Variants in GAL3ST1 observed in about 807,000 individuals in gnomAD.
GAL3ST1 encodes galactosylceramide sulfotransferase.
Under a neutral mutation model 25.0 loss-of-function variants are expected in GAL3ST1, and 13 were observed. The observed-to-expected ratio is 0.52, with a 90% CI of 0.34 to 0.83. The LOEUF is 0.83. Among genes scored for constraint, GAL3ST1 ranks in the 40% least tolerant of loss-of-function variants. The probability of loss-of-function intolerance (pLI) is 0.02; values close to 1 mark genes in which losing one functional copy is unlikely to be tolerated. For missense variants in GAL3ST1, 474 were observed against 613.6 expected, an observed-to-expected ratio of 0.77 and a Z score of 2.40; for synonymous variants, 274 against 277.8, an observed-to-expected ratio of 0.99 and a Z score of 0.14.
At position 30,555,623 on chromosome 22, in the gene GAL3ST1, T is replaced by G. The variant is rs751577476; in HGVS notation, c.602A>C (p.Asp201Ala). The G allele has an allele frequency of 6.2e-7, 1 of 1,613,584 alleles. No homozygotes were observed. The highest frequency in any genetic ancestry group is 8.5e-7 in the Non-Finnish European group (1 of 1,180,002). Residue 201 changes from aspartate to alanine, a missense_variant, in exon 4 of 4, where the codon GAT becomes GCT. Coordinates refer to ENST00000406361, the MANE Select transcript of GAL3ST1 (RefSeq NM_001318104.2). This position sits in a 1 kb window ranked among gnomAD's most constrained non-coding sequence, Gnocchi z 8.6. ...GAAGCCGTTGGGGTCGTAGTAGCGA[T>G]CCGGGTCTTGCAGGAACTCGGTCAG... is the stretch of plus-strand genomic sequence containing the variant. ...DKLTEFLQDP[D>A]RYYDPNGFNA... is the part of the protein sequence containing the mutation.
At chr22:30,562,001 G>C (rs1030175340) in intron 1 of GAL3ST1, among the ~76,000 whole-genome samples, 5 of 152,206 alleles carry the variant, frequency 3.3e-5, no homozygotes, top group African/African-American at 1.2e-4. Context: ...CGGGAGAGGA[G>C]CTAGCTGGCA....
chr22:30,559,074 C>G (rs932588828), intron 1 of GAL3ST1, among the ~76,000 whole-genome samples: 4 of 151,736 alleles, frequency 2.6e-5, no homozygotes, highest in African/African-American at 9.7e-5. Flanking sequence ...AGAAGAATCG[C>G]TTGAACCCAG....
At chr22:30,570,977 T>TACAC (rs67031445) in intron 1 of GAL3ST1, among the ~76,000 whole-genome samples, 8,538 of 146,108 alleles carry the variant, frequency 0.058, 299 homozygotes, top group African/African-American at 0.1. Flanking sequence ...TCTGTGATGA[T>TACAC]ACACACACAC....
At chr22:30,572,271 T>C (rs1287203576) in intron 1 of GAL3ST1, among the ~76,000 whole-genome samples, 1 of 152,212 alleles carries the variant, frequency 6.6e-6, no homozygotes, top group Non-Finnish European at 1.5e-5. Context: ...CCTAAAACTA[T>C]GTAACAATAT....
intron 1 of GAL3ST1, among the ~76,000 whole-genome samples, chr22:30,562,922 C>G (rs1339676345): frequency 6.6e-6 from 1 of 152,178 alleles, no homozygotes; most frequent in Non-Finnish European, 1.5e-5. Context: ...CAAGACCAGC[C>G]TGGCCAACAT....
chr22:30,569,524 T>C (rs1029572209), intron 1 of GAL3ST1, among the ~76,000 whole-genome samples: 1 of 151,928 alleles, frequency 6.6e-6, no homozygotes, highest in African/African-American at 2.4e-5. Context: ...TTTAGAATAC[T>C]CTGAGTCTGA....
chr22:30,572,535 G>T (rs1275739716), intron 1 of GAL3ST1, among the ~76,000 whole-genome samples: 1 of 152,176 alleles, frequency 6.6e-6, no homozygotes, highest in African/African-American at 2.4e-5. Flanking sequence ...TCCTCTGATT[G>T]TATTGTGATC....
rs2085972138 is a variant in GAL3ST1 at position 30,555,719 on chromosome 22, A to T, written c.506T>A (p.Leu169Ter). The change falls in exon 4 of 4, where the codon TTG becomes TAG. Residue 169 changes from leucine (L) to a stop codon, truncating the protein, a stop_gained. Transcript: ENST00000406361. LOFTEE classifies it high-confidence loss of function. The surrounding 1 kb of genome is among the most constrained non-coding windows in gnomAD (Gnocchi z 8.6). Reference protein sequence around the residue: ...FITVLRDPARLFESSFHYFGP... With the variant: ...FITVLRDPAR ...GAAGTAGTGGAAGGAGGACTCGAAC[A>T]AGCGGGCGGGGTCGCGGAGCACCGT... 1.9e-6 allele frequency: 3 copies of T among 1,613,820 alleles called. No individual in the cohort carries two copies. Among genetic ancestry groups the T allele is most frequent in the Non-Finnish European group, 2.5e-6 (3 of 1,180,020 alleles).
chr22:30,557,333 C>T lies in GAL3ST1; in HGVS notation c.60G>A (p.Ala20=), dbSNP rs752866163. The change falls in exon 3 of 4, where the codon GCG becomes GCA. Residue 20 remains alanine, a synonymous_variant. Coordinates refer to ENST00000406361, the MANE Select transcript of GAL3ST1 (RefSeq NM_001318104.2). ...CCAGCAGCAGGAAACTAGTGAAGAG[C>T]GCGCCCAGCACCAGCCCCTTAGCCA... is the stretch of plus-strand genomic sequence containing the variant. The part of the protein sequence containing the change: ...ESMAKGLVLG[A]LFTSFLLLVY... 1.9e-5 allele frequency: 31 copies of T among 1,614,062 alleles called. No individual in the cohort carries two copies. The highest frequency in any genetic ancestry group is 5.3e-5 in the African/African-American group (4 of 74,944).
intron 1 of GAL3ST1, among the ~76,000 whole-genome samples, chr22:30,565,378 T>C (rs1451915103): frequency 1.3e-5 from 2 of 152,170 alleles, no homozygotes; most frequent in African/African-American, 4.8e-5. Flanking sequence ...GTCACGCAGC[T>C]AGTAGAGGGC....
chr22:30,557,369 G>C lies in GAL3ST1; in HGVS notation c.24C>G (p.Pro8=). 1 of 1,614,134 alleles carries C rather than the reference G, an allele frequency of 6.2e-7. No homozygotes were observed. The highest frequency in any genetic ancestry group is 8.5e-7 in the Non-Finnish European group (1 of 1,179,956). ...CCAGCCCCTTAGCCATGGACTCCCA[G>C]GGCTTCTTCTGCGGTGGCAGCATCT... The part of the protein sequence containing the change: MLPPQKK[P]WESMAKGLVL... The change falls in exon 3 of 4, where the codon CCC becomes CCG. Residue 8 remains proline (P), a synonymous_variant. Coordinates refer to ENST00000406361, the MANE Select transcript of GAL3ST1 (RefSeq NM_001318104.2).
intron 1 of GAL3ST1, chr22:30,565,144 T>C (rs780783089): frequency 2.6e-5 from 4 of 152,700 alleles, no homozygotes; most frequent in Non-Finnish European, 5.8e-5. Context: ...CAGGTATCCT[T>C]GGGCCAAGGA....
intron 1 of GAL3ST1, chr22:30,566,219 T>C (rs42934): frequency 0.15 from 22,348 of 152,266 alleles, 1,789 homozygotes; most frequent in African/African-American, 0.18. Context: ...TAACATCCCA[T>C]TGACCTTCTG....
At chr22:30,565,599 T>C (rs954937338) in intron 1 of GAL3ST1, among the ~76,000 whole-genome samples, 1 of 152,126 alleles carries the variant, frequency 6.6e-6, no homozygotes, top group Non-Finnish European at 1.5e-5. Flanking sequence ...TCTAAATCTT[T>C]CATCAGAGAG....
chr22:30,559,676 C>T (rs1283967570), intron 1 of GAL3ST1, among the ~76,000 whole-genome samples: 2 of 152,196 alleles, frequency 1.3e-5, no homozygotes, highest in Non-Finnish European at 2.9e-5. Flanking sequence ...GCCACTGTGC[C>T]CAGCCTGTTG....
intron 1 of GAL3ST1, among the ~76,000 whole-genome samples, chr22:30,566,926 G>T (rs761640140): frequency 3.3e-5 from 5 of 151,858 alleles, no homozygotes; most frequent in African/African-American, 4.8e-5. Context: ...TCTTTGGCTG[G>T]TTCTCTACCC....
chr22:30,560,143 C>T (rs1050844723), intron 1 of GAL3ST1: 18 of 151,744 alleles, frequency 1.2e-4, no homozygotes, highest in Non-Finnish European at 2.5e-4. Flanking sequence ...GGCCCCATCT[C>T]AAAAAAAGGC....
At chr22:30,574,355 C>T (rs2146447798) in intron 1 of GAL3ST1, 111 bp downstream of exon 1, 1 of 152,532 alleles carries the variant, frequency 6.6e-6, no homozygotes, top group Admixed American at 6.5e-5. Flanking sequence ...CTACTCCCCT[C>T]CTCCGGCGCG....
rs770637899 is a variant in GAL3ST1 at position 30,555,374 on chromosome 22, G to A, written c.851C>T (p.Ser284Leu). The A allele has an allele frequency of 4.4e-6, 7 of 1,608,466 alleles. No individual in the cohort carries two copies. Among genetic ancestry groups the A allele is most frequent in the African/African-American group, 2.7e-5 (2 of 74,918 alleles). ...LYFKLNARRD[S>L]PVPRLSGELY... ...CTCCCCCGAGAGCCGCGGCACGGGC[G>A]AGTCGCGGCGGGCGTTGAGCTTGAA... The change falls in exon 4 of 4, where the codon TCG becomes TTG. Residue 284 changes from serine to leucine, a missense_variant. Around this residue, in one of 2 missense-constraint regions of GAL3ST1, gnomAD observed 359 missense variants for 504.4 expected, o/e 0.71. Coordinates refer to ENST00000406361, the MANE Select transcript of GAL3ST1 (RefSeq NM_001318104.2). The surrounding 1 kb of genome is among the most constrained non-coding windows in gnomAD (Gnocchi z 8.6).
Sources: allele counts gnomAD v4.1 joint callset (sites outside exome capture counted in the v4.1 genomes callset), GRCh38; gene constraint gnomAD v4.1.1; regional missense constraint gnomAD v4.1.1; non-coding constraint Gnocchi (gnomAD v3.1); transcripts MANE v1.5; gene names NCBI Gene and HGNC (gene_info 2026-07-23, HGNC 2026-07-21).